The following NT5DC1 variants were observed in gnomAD, a reference collection of about 807,000 sequenced individuals.
NT5DC1 encodes 5'-nucleotidase domain-containing protein 1.
Under a neutral mutation model 59.4 loss-of-function variants are expected in NT5DC1, and 42 were observed. That is an observed-to-expected ratio of 0.71 (90% CI 0.55 to 0.92). NT5DC1 has a LOEUF of 0.92. Among genes scored for constraint, NT5DC1 ranks in the 40% least tolerant of loss-of-function variants. The pLI, the probability that NT5DC1 is intolerant of heterozygous loss-of-function variation, is 0.00. For missense variants in NT5DC1, 501 were observed against 537.1 expected, an observed-to-expected ratio of 0.93 and a Z score of 0.66; for synonymous variants, 172 against 188.1, an observed-to-expected ratio of 0.91 and a Z score of 0.70.
chr6:116,237,791 C>T (rs1317673024), intron 9 of NT5DC1, among the ~76,000 whole-genome samples: 1 of 152,182 alleles, frequency 6.6e-6, no homozygotes, highest in East Asian at 1.9e-4. Context: ...TTGTGATTTG[C>T]ACTTTTAATA....
intron 4 of NT5DC1, among the ~76,000 whole-genome samples, chr6:116,114,974 A>G (rs180715135): frequency 1.3e-3 from 197 of 152,324 alleles, no homozygotes; most frequent in African/African-American, 4.5e-3. Flanking sequence ...AGTGGCTGCA[A>G]TCAGACGCAG....
At chr6:116,203,068 T>G (rs916646110) in intron 6 of NT5DC1, among the ~76,000 whole-genome samples, 1 of 151,978 alleles carries the variant, frequency 6.6e-6, no homozygotes, top group African/African-American at 2.4e-5. Flanking sequence ...TTAAACATTT[T>G]TATGGTAGGA....
At chr6:116,129,842 G>T (rs943657949) in intron 6 of NT5DC1, among the ~76,000 whole-genome samples, 8 of 152,100 alleles carry the variant, frequency 5.3e-5, no homozygotes, top group Non-Finnish European at 8.8e-5. Context: ...AGAATTTGTT[G>T]TCACTTAACT....
At chr6:116,229,661 CT>C (rs1781977460) in intron 8 of NT5DC1, among the ~76,000 whole-genome samples, 1 of 152,150 alleles carries the variant, frequency 6.6e-6, no homozygotes, top group African/African-American at 2.4e-5. Flanking sequence ...GAATCTCTGA[CT>C]TGCAAGATTA....
At position 116,239,117 on chromosome 6, in the gene NT5DC1, A is replaced by G; in HGVS notation, c.1246A>G (p.Ile416Val). 6.2e-7 allele frequency: 1 copy of G among 1,608,870 alleles called. No homozygotes were observed. The highest frequency in any genetic ancestry group is 8.5e-7 in the Non-Finnish European group (1 of 1,176,746). ...TATTGCAATTCCAAGTATTGAAGCA[A>G]TCGCAGGTAAGGGGGAAAATACCTA... is the stretch of plus-strand genomic sequence containing the variant. ...STIAIPSIEA[I>V]AELPLDYKFT... Residue 416 changes from isoleucine to valine, a missense_variant, in exon 11 of 12, where the codon ATC becomes GTC. Coordinates refer to ENST00000319550, the MANE Select transcript of NT5DC1 (RefSeq NM_152729.3).
At chr6:116,135,852 TATATATATATATATATATATAC>T (rs906476737) in intron 6 of NT5DC1, among the ~76,000 whole-genome samples, 8 of 115,676 alleles carry the variant, frequency 6.9e-5, no homozygotes, top group African/African-American at 2.5e-4. Flanking sequence ...TATATATATA[TATATATATATATATATATATAC>T]ACACATACAC....
chr6:116,168,634 TG>T (rs1780533744), intron 6 of NT5DC1, among the ~76,000 whole-genome samples: 1 of 152,148 alleles, frequency 6.6e-6, no homozygotes, highest in Non-Finnish European at 1.5e-5. Flanking sequence ...TTTGATTGTT[TG>T]TTTTGTTTTT....
At position 116,121,654 on chromosome 6, in the gene NT5DC1, C is replaced by T. The variant is rs777052338; in HGVS notation, c.529+3709C>T. On this transcript the variant is annotated intron_variant, in intron 6 of 11. Coordinates refer to ENST00000319550, the MANE Select transcript of NT5DC1 (RefSeq NM_152729.3). The stretch of plus-strand genomic sequence containing the variant: ...GTCCCTGTTGTCCAGGTTTTCCTGG[C>T]ACAGAAATTCCAGCCGGTCCAGGGA... 7.0e-5 allele frequency: 113 copies of T among 1,613,786 alleles called. No individual in the cohort carries two copies. The highest frequency in any genetic ancestry group is 9.0e-5 in the Non-Finnish European group (106 of 1,179,864).
chr6:116,235,689 A>G (rs1782101759), intron 8 of NT5DC1, among the ~76,000 whole-genome samples: 1 of 152,246 alleles, frequency 6.6e-6, no homozygotes, highest in Non-Finnish European at 1.5e-5. Context: ...CTCTAGTACC[A>G]GATTCAAGAT....
intron 1 of NT5DC1, 36 bp from the exon 2 acceptor site, chr6:116,106,208 T>C (rs1423339059): frequency 1.0e-6 from 1 of 984,392 alleles, no homozygotes; most frequent in South Asian, 1.3e-5. Context: ...ATAGTGGGTG[T>C]TATATTTAAT....
intron 6 of NT5DC1, among the ~76,000 whole-genome samples, chr6:116,159,512 G>A (rs946575218): frequency 1.3e-5 from 2 of 151,992 alleles, no homozygotes; most frequent in East Asian, 1.9e-4. Flanking sequence ...TATATCTGTC[G>A]GGTATTCTGG....
chr6:116,200,067 C>T (rs1781315327), intron 6 of NT5DC1, among the ~76,000 whole-genome samples: 1 of 151,736 alleles, frequency 6.6e-6, no homozygotes, highest in Non-Finnish European at 1.5e-5. Flanking sequence ...TCATCCAGGT[C>T]AACATCAACA....
chr6:116,228,169 A>T (rs1007894449), intron 8 of NT5DC1, among the ~76,000 whole-genome samples: 12 of 152,230 alleles, frequency 7.9e-5, no homozygotes, highest in Non-Finnish European at 1.5e-4. Flanking sequence ...TAGCAATCTC[A>T]GCGTATATAG....
chr6:116,120,760 G>C, intron 6 of NT5DC1: 2 of 1,610,202 alleles, frequency 1.2e-6, no homozygotes, highest in South Asian at 2.2e-5. Context: ...GCCCAATAGG[G>C]CCTCTAGTAC....
intron 6 of NT5DC1, among the ~76,000 whole-genome samples, chr6:116,218,045 T>C (rs1346290489): frequency 6.6e-6 from 1 of 152,154 alleles, no homozygotes; most frequent in Non-Finnish European, 1.5e-5. Flanking sequence ...AGGGCTTGTC[T>C]TTTTTAGTTT....
At chr6:116,145,032 C>T (rs186029325) in intron 6 of NT5DC1, among the ~76,000 whole-genome samples, 8 of 152,254 alleles carry the variant, frequency 5.3e-5, no homozygotes, top group African/African-American at 1.9e-4. Flanking sequence ...TTGATTCGTA[C>T]ATCAGATTGA....
intron 1 of NT5DC1, among the ~76,000 whole-genome samples, chr6:116,105,465 G>C (rs143241065): frequency 4.4e-4 from 67 of 152,294 alleles, no homozygotes; most frequent in African/African-American, 1.4e-3. Context: ...CAACTGTTCT[G>C]CTCAGGCTCA....
At chr6:116,240,700 C>T (rs1771695004) in intron 11 of NT5DC1, among the ~76,000 whole-genome samples, 1 of 152,036 alleles carries the variant, frequency 6.6e-6, no homozygotes. Flanking sequence ...CAATCAAGAG[C>T]ATAAATATAG....
intron 6 of NT5DC1, among the ~76,000 whole-genome samples, chr6:116,192,437 G>T (rs995754288): frequency 6.6e-6 from 1 of 151,950 alleles, no homozygotes; most frequent in African/African-American, 2.4e-5. Flanking sequence ...TTTAAAAAGA[G>T]AAAATTAGTA....
Sources: gnomAD v4.1 joint callset for allele counts (sites outside exome capture counted in the v4.1 genomes callset) on GRCh38, gnomAD v4.1.1 for gene constraint, MANE v1.5 for transcripts, NCBI Gene and HGNC (gene_info 2026-07-23, HGNC 2026-07-21) for gene names.